NELL1: variants seen among roughly 807,000 people sequenced by gnomAD.
NELL1 encodes the protein neural EGFL like 1, also known as protein kinase C-binding protein NELL1.
A neutral mutation model predicts 107.4 loss-of-function variants in NELL1; 76 were observed. The observed-to-expected ratio is 0.71, with a 90% CI of 0.59 to 0.86. NELL1 has a LOEUF of 0.86. Among genes scored for constraint, NELL1 ranks in the 40% least tolerant of loss-of-function variants. The pLI is 0.00. For missense variants in NELL1, 1,024 were observed against 1,005.5 expected (o/e 1.02, Z -0.25); for synonymous variants, 353 against 341.2 (o/e 1.03, Z -0.38).
chr11:20,697,923 A>G (rs571310910), intron 2 of NELL1, among the ~76,000 whole-genome samples: 3 of 152,318 alleles, frequency 2.0e-5, no homozygotes, highest in East Asian at 3.9e-4. Context: ...TAATGCTCAG[A>G]AAATCTGAGT....
chr11:21,467,139 G>T (rs753008188), intron 15 of NELL1, among the ~76,000 whole-genome samples: 7 of 152,012 alleles, frequency 4.6e-5, no homozygotes, highest in South Asian at 2.1e-4. Context: ...GAACAAAAAG[G>T]TTAAAAGCAA....
At chr11:20,825,284 G>T (rs551835432) in intron 3 of NELL1, among the ~76,000 whole-genome samples, 1 of 151,456 alleles carries the variant, frequency 6.6e-6, no homozygotes, top group South Asian at 2.1e-4. Flanking sequence ...TCCCCACTGG[G>T]TCACTGCCTA....
intron 11 of NELL1, among the ~76,000 whole-genome samples, chr11:20,947,644 G>A (rs2134198871): frequency 6.6e-6 from 1 of 152,306 alleles, no homozygotes; most frequent in Non-Finnish European, 1.5e-5. Flanking sequence ...TTGTAAGACT[G>A]CTGTGAAGAT....
rs554328288 is a variant in NELL1 at position 21,215,535 on chromosome 11, A to G, written c.1427-13797A>G. On this transcript the variant is annotated intron_variant, in intron 13 of 19. Coordinates refer to ENST00000357134, the MANE Select transcript of NELL1 (RefSeq NM_006157.5). ...AGAAGAAGATTGGAAACTATGGGAA[A>G]GTTTGGAACTTCCTAGAGACTTGTT... 1.7e-3 allele frequency among the ~76,000 whole-genome samples: 259 copies of G among 152,306 alleles called. 1 individual carries two copies. Among genetic ancestry groups the G allele is most frequent in the Middle Eastern group, 3.4e-3 (1 of 294 alleles).
At chr11:21,482,216 T>TA (rs772679590) in intron 15 of NELL1, among the ~76,000 whole-genome samples, 3 of 152,208 alleles carry the variant, frequency 2.0e-5, no homozygotes, top group Non-Finnish European at 2.9e-5. Flanking sequence ...TTGCTGCAAT[T>TA]AAACACTTAC....
chr11:20,954,296 T>G (rs1256360572), intron 11 of NELL1, among the ~76,000 whole-genome samples: 1 of 152,242 alleles, frequency 6.6e-6, no homozygotes, highest in Non-Finnish European at 1.5e-5. Flanking sequence ...TATTTGGGGT[T>G]CTCCAAACTT....
At chr11:21,193,320 A>T (rs922661997) in intron 13 of NELL1, among the ~76,000 whole-genome samples, 4 of 151,816 alleles carry the variant, frequency 2.6e-5, no homozygotes, top group African/African-American at 9.7e-5. Flanking sequence ...AATCAGAAAT[A>T]AAGCACGCAA....
intron 3 of NELL1, among the ~76,000 whole-genome samples, chr11:20,811,131 T>A (rs1328355554): frequency 6.6e-6 from 1 of 152,182 alleles, no homozygotes; most frequent in Non-Finnish European, 1.5e-5. Flanking sequence ...AGTTTGGGTC[T>A]TCTGTCTTTG....
intron 4 of NELL1, among the ~76,000 whole-genome samples, chr11:20,868,002 G>A (rs1405457899): frequency 6.6e-6 from 1 of 152,190 alleles, no homozygotes; most frequent in East Asian, 1.9e-4. Context: ...AGAAGAAAGA[G>A]GATGTCGAAA....
intron 15 of NELL1, among the ~76,000 whole-genome samples, chr11:21,499,713 GT>G (rs1159651234): frequency 2.0e-5 from 3 of 152,078 alleles, no homozygotes; most frequent in Non-Finnish European, 2.9e-5. Context: ...ATCCAATTCA[GT>G]TTTGTCATGA....
intron 14 of NELL1, among the ~76,000 whole-genome samples, chr11:21,350,222 G>C (rs1029945361): frequency 1.3e-5 from 2 of 151,920 alleles, no homozygotes; most frequent in African/African-American, 2.4e-5. Context: ...AGTAATTCTT[G>C]GGTATAACTA....
chr11:21,487,671 A>G (rs11827735), intron 15 of NELL1, among the ~76,000 whole-genome samples: 355 of 152,274 alleles, frequency 2.3e-3, no homozygotes, highest in African/African-American at 8.2e-3. Flanking sequence ...AAAAACCCTG[A>G]CAGATCATTA....
chr11:21,124,602 G>T (rs899376170), intron 13 of NELL1, among the ~76,000 whole-genome samples: 1 of 132,948 alleles, frequency 7.5e-6, no homozygotes, highest in African/African-American at 3.0e-5. Context: ...CCTCACAGAT[G>T]ATTTTTTTTT....
chr11:20,876,718 G>A (rs1200261356), intron 4 of NELL1, among the ~76,000 whole-genome samples: 1 of 152,118 alleles, frequency 6.6e-6, no homozygotes, highest in Non-Finnish European at 1.5e-5. Context: ...AGCTGAGATC[G>A]CGCCACTGCA....
chr11:21,568,867 C>G (rs1857032330), intron 17 of NELL1, among the ~76,000 whole-genome samples: 1 of 69,946 alleles, frequency 1.4e-5, no homozygotes, highest in Non-Finnish European at 4.6e-5. Flanking sequence ...TTTTAGTTAT[C>G]TCTTTTTTTT....
intron 2 of NELL1, among the ~76,000 whole-genome samples, chr11:20,737,199 G>T (rs976242823): frequency 7.9e-5 from 12 of 151,902 alleles, no homozygotes; most frequent in African/African-American, 2.9e-4. Context: ...TGATAGCCTG[G>T]TGTGAATCCT....
At chr11:20,849,174 G>A (rs573201345) in intron 4 of NELL1, among the ~76,000 whole-genome samples, 1 of 152,298 alleles carries the variant, frequency 6.6e-6, no homozygotes, top group South Asian at 2.1e-4. Context: ...GATTGCAGAG[G>A]AAGAGCCCTG....
intron 2 of NELL1, among the ~76,000 whole-genome samples, chr11:20,781,630 T>A (rs1333279419): frequency 6.6e-6 from 1 of 152,156 alleles, no homozygotes; most frequent in South Asian, 2.1e-4. Flanking sequence ...TTCTAATTGA[T>A]GAGTAAAGAA....
intron 14 of NELL1, among the ~76,000 whole-genome samples, chr11:21,321,275 T>G (rs1419856170): frequency 6.6e-6 from 1 of 152,064 alleles, no homozygotes; most frequent in African/African-American, 2.4e-5. Flanking sequence ...GCAATCCATC[T>G]CACCCTCAGC....
Sources: gnomAD v4.1 joint callset for allele counts (sites outside exome capture counted in the v4.1 genomes callset) on GRCh38, gnomAD v4.1.1 for gene constraint, MANE v1.5 for transcripts, NCBI Gene and HGNC (gene_info 2026-07-23, HGNC 2026-07-21) for gene names.